ATP2C1: variants seen among roughly 807,000 people sequenced by gnomAD.
The protein encoded by ATP2C1 is calcium-transporting ATPase type 2C member 1.
A neutral mutation model predicts 120.5 loss-of-function variants in ATP2C1; 31 were observed. The ratio of observed to expected loss-of-function variants is 0.26; its 90% CI spans 0.19 to 0.35. The LOEUF is 0.35. ATP2C1 is among the 10% of genes least tolerant of loss of function. ATP2C1 has a pLI of 1.00. For missense variants in ATP2C1, 731 were observed against 1,107.5 expected (o/e 0.66, Z 4.83); for synonymous variants, 351 against 358.7 (o/e 0.98, Z 0.24).
At chr3:130,981,318 GCTT>G (rs2061753652) in intron 20 of ATP2C1, among the ~76,000 whole-genome samples, 1 of 152,084 alleles carries the variant, frequency 6.6e-6, no homozygotes, top group Non-Finnish European at 1.5e-5. Flanking sequence ...TTTTGAATCT[GCTT>G]CTTTCACTTA....
intron 1 of ATP2C1, among the ~76,000 whole-genome samples, chr3:130,863,532 A>T (rs1446646631): frequency 6.6e-6 from 1 of 152,242 alleles, no homozygotes; most frequent in Non-Finnish European, 1.5e-5. Context: ...GTCTTTAAGA[A>T]TTCATTAAGA....
chr3:130,954,509 G>A (rs916303142), intron 9 of ATP2C1, among the ~76,000 whole-genome samples: 5 of 151,714 alleles, frequency 3.3e-5, no homozygotes, highest in Admixed American at 6.6e-5. Context: ...TTTTTGAGAC[G>A]GAGTCTCACT....
At chr3:130,864,680 T>C (rs1401796405) in intron 1 of ATP2C1, among the ~76,000 whole-genome samples, 1 of 152,168 alleles carries the variant, frequency 6.6e-6, no homozygotes, top group African/African-American at 2.4e-5. Flanking sequence ...AAGGGGCCAA[T>C]GTACAGCTCA....
At chr3:130,959,204 C>G in intron 11 of ATP2C1, 71 bp from the exon 12 acceptor site, 1 of 1,174,054 alleles carries the variant, frequency 8.5e-7, no homozygotes, top group South Asian at 1.3e-5. Context: ...TTTTAGATTC[C>G]TTCAGCTTGT....
intron 6 of ATP2C1, among the ~76,000 whole-genome samples, chr3:130,938,880 C>A (rs1297814036): frequency 6.6e-6 from 1 of 152,048 alleles, no homozygotes; most frequent in Non-Finnish European, 1.5e-5. Flanking sequence ...ACTAGAAAGC[C>A]CATGTTTTCA....
At chr3:130,910,361 G>A (rs1458060160) in intron 2 of ATP2C1, among the ~76,000 whole-genome samples, 8 of 146,274 alleles carry the variant, frequency 5.5e-5, no homozygotes, top group Non-Finnish European at 9.0e-5. Flanking sequence ...AGACAATGGG[G>A]TTTTCTAGAT....
At chr3:130,992,464 T>C (rs978478113) in intron 20 of ATP2C1, among the ~76,000 whole-genome samples, 1 of 152,134 alleles carries the variant, frequency 6.6e-6, no homozygotes, top group Non-Finnish European at 1.5e-5. Flanking sequence ...AGAAGTACAG[T>C]GGAAGAGAGG....
intron 2 of ATP2C1, among the ~76,000 whole-genome samples, chr3:130,928,893 T>G (rs1459335621): frequency 6.6e-6 from 1 of 152,204 alleles, no homozygotes. Flanking sequence ...TCTCATTGTT[T>G]TAAGATTTAA....
chr3:130,863,193 C>T (rs2068069611), intron 1 of ATP2C1, among the ~76,000 whole-genome samples: 1 of 152,026 alleles, frequency 6.6e-6, no homozygotes, highest in African/African-American at 2.4e-5. Context: ...CTTCAGCTCC[C>T]AAACTCATTG....
At position 130,941,717 on chromosome 3, in the gene ATP2C1, T is replaced by C. The variant is rs2059928100; in HGVS notation, c.531+18T>C. On this transcript the variant is annotated intron_variant, in intron 8 of 27. Coordinates refer to ENST00000510168, the MANE Select transcript of ATP2C1 (RefSeq NM_001378687.1). ...TGTTTGAGGTAAATTTGGGATCTGA[T>C]TGTAATAAGTGAAAATACGTGGATG... 1.3e-6 allele frequency: 2 copies of C among 1,564,760 alleles called. No individual in the cohort carries two copies. Among genetic ancestry groups the C allele is most frequent in the Non-Finnish European group, 1.8e-6 (2 of 1,135,024 alleles).
intron 1 of ATP2C1, among the ~76,000 whole-genome samples, chr3:130,885,524 G>A (rs1253498956): frequency 6.6e-6 from 1 of 151,728 alleles, no homozygotes; most frequent in Non-Finnish European, 1.5e-5. Context: ...TTTTCAAGAT[G>A]AGGCTTGCAA....
chr3:130,908,292 A>G (rs2108076416), intron 2 of ATP2C1, among the ~76,000 whole-genome samples: 1 of 152,260 alleles, frequency 6.6e-6, no homozygotes, highest in Admixed American at 6.5e-5. Flanking sequence ...TTGTAATACC[A>G]AAAGACAGGA....
At chr3:130,893,118 T>C (rs143733077), upstream of ATP2C1, among the ~76,000 whole-genome samples, 7 of 152,318 alleles carry the variant, frequency 4.6e-5, no homozygotes, top group African/African-American at 1.7e-4. Context: ...CAACATTATA[T>C]GTCTGGCTCA....
At chr3:130,975,617 G>A (rs2061503396) in intron 18 of ATP2C1, 129 bp downstream of exon 18, 2 of 1,119,372 alleles carry the variant, frequency 1.8e-6, no homozygotes, top group Admixed American at 2.1e-5. Context: ...TGCCAGTATT[G>A]AGGTGTTAAG....
At chr3:130,865,725 A>C (rs2068153981) in intron 1 of ATP2C1, among the ~76,000 whole-genome samples, 1 of 152,212 alleles carries the variant, frequency 6.6e-6, no homozygotes, top group Admixed American at 6.5e-5. Flanking sequence ...CCACCATGTA[A>C]GAAGTGCCTT....
chr3:130,948,688 C>T (rs1417777367), intron 8 of ATP2C1, among the ~76,000 whole-genome samples: 1 of 151,960 alleles, frequency 6.6e-6, no homozygotes, highest in Non-Finnish European at 1.5e-5. Flanking sequence ...TATCATGCTT[C>T]AAAGATAATG....
intron 8 of ATP2C1, among the ~76,000 whole-genome samples, chr3:130,942,311 TTTTTTGG>T (rs1355593037): frequency 6.6e-6 from 1 of 152,200 alleles, no homozygotes; most frequent in African/African-American, 2.4e-5. Flanking sequence ...AACTTCAGAT[TTTTTTGG>T]TTAGGAGTTA....
At chr3:130,897,539 G>A (rs576284508) in intron 2 of ATP2C1, among the ~76,000 whole-genome samples, 15 of 152,186 alleles carry the variant, frequency 9.9e-5, no homozygotes, top group Non-Finnish European at 2.1e-4. Flanking sequence ...AGGTATGCAG[G>A]TAGTTACATT....
chr3:130,861,311 A>T (rs1291633328), intron 1 of ATP2C1, among the ~76,000 whole-genome samples: 2 of 152,182 alleles, frequency 1.3e-5, no homozygotes, highest in Non-Finnish European at 2.9e-5. Context: ...GGTATTTATT[A>T]TGGGAATCGG....
Sources: allele counts gnomAD v4.1 joint callset (sites outside exome capture counted in the v4.1 genomes callset), GRCh38; gene constraint gnomAD v4.1.1; transcripts MANE v1.5; gene names NCBI Gene and HGNC (gene_info 2026-07-23, HGNC 2026-07-21).